CTDSPL2: variants seen among roughly 807,000 people sequenced by gnomAD.
CTDSPL2 encodes CTD small phosphatase like 2.
In CTDSPL2, 5 loss-of-function variants were observed where a neutral mutation model predicts 60.0. The observed-to-expected ratio is 0.08, with a 90% CI of 0.04 to 0.18. The LOEUF is 0.18. Among genes scored for constraint, CTDSPL2 ranks in the 10% least tolerant of loss-of-function variants. The probability of loss-of-function intolerance (pLI) is 1.00; values close to 1 mark genes in which losing one functional copy is unlikely to be tolerated. For synonymous variants in CTDSPL2, 186 were observed against 189.3 expected, an observed-to-expected ratio of 0.98 and a Z score of 0.14; for missense variants, 370 against 548.8, an observed-to-expected ratio of 0.67 and a Z score of 3.26.
chr15:44,473,070 T>G (rs2080843711), intron 2 of CTDSPL2, among the ~76,000 whole-genome samples: 1 of 152,210 alleles, frequency 6.6e-6, no homozygotes, highest in Admixed American at 6.5e-5. Context: ...GTGCTGGGAT[T>G]ACAGGTGTGA....
Position 44,435,431 on chromosome 15 carries a change from A to G in CTDSPL2, c.-25+7659A>G, listed in dbSNP as rs1363951710. Among the ~76,000 whole-genome samples, 4 of 151,476 alleles carry G rather than the reference A, an allele frequency of 2.6e-5. No individual in the cohort carries two copies. The East Asian group carries it at 6.0e-4, about 23-fold the overall frequency. On this transcript the variant is annotated intron_variant, in intron 1 of 12. Transcript: ENST00000260327. ...CCAAAAATACAAAAATTAGGCGGGC[A>G]TGGTAGCGCATGCCTGTAATCCCAG...
At chr15:44,489,264 G>GC (rs1387027303) in intron 4 of CTDSPL2, among the ~76,000 whole-genome samples, 1 of 151,876 alleles carries the variant, frequency 6.6e-6, no homozygotes, top group Non-Finnish European at 1.5e-5. Context: ...GGTCTGAGAA[G>GC]CCTGTTGGTT....
intron 1 of CTDSPL2, among the ~76,000 whole-genome samples, chr15:44,458,365 CA>C (rs1567070645): frequency 6.8e-4 from 104 of 152,278 alleles, no homozygotes; most frequent in African/African-American, 2.5e-3. Flanking sequence ...TGAGAGAGCT[CA>C]AATAAATAGC....
chr15:44,474,444 C>T (rs538782123), intron 2 of CTDSPL2, among the ~76,000 whole-genome samples: 35 of 151,866 alleles, frequency 2.3e-4, no homozygotes, highest in African/African-American at 8.5e-4. Context: ...GAGTGGAGAT[C>T]GCACCACTGC....
chr15:44,490,848 T>C lies in CTDSPL2; in HGVS notation c.540T>C (p.Asp180=). The stretch of plus-strand genomic sequence containing the variant: ...CTGAAGAAATAGTAAAACAACTTGA[T>C]ATGGAACAGGTGGATGAGATCACTA... ...VEAEEIVKQL[D]MEQVDEITTS... Residue 180 remains aspartate (D), a synonymous_variant, in exon 5 of 13, where the codon GAT becomes GAC. Coordinates refer to ENST00000260327, the MANE Select transcript of CTDSPL2 (RefSeq NM_016396.3). The C allele has an allele frequency of 6.2e-7, 1 of 1,613,884 alleles. No individual in the cohort carries two copies. Among genetic ancestry groups the C allele is most frequent in the South Asian group, 1.1e-5 (1 of 91,070 alleles).
chr15:44,506,412 C>CTTTTTTTTTTTTTTTTTTTTTTTTT (rs764238056), intron 8 of CTDSPL2, among the ~76,000 whole-genome samples: 4 of 112,392 alleles, frequency 3.6e-5, no homozygotes, highest in East Asian at 3.0e-4. Context: ...CCTACTTTGA[C>CTTTTTTTTTTTTTTTTTTTTTTTTT]TTTTTTTTTT....
chr15:44,507,912 C>T (rs1486801480), intron 8 of CTDSPL2, among the ~76,000 whole-genome samples: 1 of 152,134 alleles, frequency 6.6e-6, no homozygotes, highest in East Asian at 1.9e-4. Flanking sequence ...CTTATTTAAT[C>T]TTCACAACCA....
chr15:44,468,111 A>G (rs1019584511), intron 2 of CTDSPL2, among the ~76,000 whole-genome samples: 1 of 152,040 alleles, frequency 6.6e-6, no homozygotes, highest in East Asian at 1.9e-4. Flanking sequence ...CTTGTGTTCG[A>G]TTGGTGTTAT....
chr15:44,497,521 A>G (rs1201496349), intron 7 of CTDSPL2, among the ~76,000 whole-genome samples: 1 of 151,918 alleles, frequency 6.6e-6, no homozygotes, highest in Non-Finnish European at 1.5e-5. Context: ...GCCTGCCACC[A>G]TGCCCGGCTA....
Position 44,484,214 on chromosome 15 carries a change from A to G in CTDSPL2, c.187-10A>G, listed in dbSNP as rs766825571. 1.9e-6 allele frequency: 3 copies of G among 1,590,340 alleles called. No individual in the cohort carries two copies. The highest frequency in any genetic ancestry group is 1.7e-6 in the Non-Finnish European group (2 of 1,170,472). ...TGCTTAGTGTGTTTTTTTTTCTCTT[A>G]TATCTTAAGGAAGAGAGAGAAAATC... is the stretch of plus-strand genomic sequence containing the variant. On this transcript the variant is annotated splice_polypyrimidine_tract_variant and intron_variant, in intron 2 of 12. Transcript: ENST00000260327.
intron 1 of CTDSPL2, 38 bp from the exon 2 acceptor site, chr15:44,458,953 T>C: frequency 7.6e-7 from 1 of 1,323,210 alleles, no homozygotes; most frequent in African/African-American, 1.5e-5. Context: ...TTTAATAACT[T>C]TTAATTTTTT....
intron 2 of CTDSPL2, among the ~76,000 whole-genome samples, chr15:44,474,109 T>TC (rs1382607400): frequency 6.6e-6 from 1 of 151,996 alleles, no homozygotes; most frequent in Non-Finnish European, 1.5e-5. Context: ...ATTACAGGAG[T>TC]GAGCCACCAC....
intron 10 of CTDSPL2, 61 bp from the exon 11 acceptor site, chr15:44,519,102 ATATGTG>A: frequency 9.5e-7 from 1 of 1,050,656 alleles, no homozygotes; most frequent in Non-Finnish European, 1.3e-6. Flanking sequence ...TGGTGTATAT[ATATGTG>A]TATATGTTCT....
intron 4 of CTDSPL2, among the ~76,000 whole-genome samples, chr15:44,487,178 G>A (rs146915907): frequency 9.4e-4 from 143 of 152,306 alleles, no homozygotes; most frequent in African/African-American, 3.1e-3. Flanking sequence ...TGGGAGCTGG[G>A]TGTGGTGGCT....
At chr15:44,460,892 C>G (rs1021712490) in intron 2 of CTDSPL2, among the ~76,000 whole-genome samples, 3 of 152,110 alleles carry the variant, frequency 2.0e-5, no homozygotes, top group African/African-American at 7.2e-5. Flanking sequence ...TGTCATCAGC[C>G]TCTGTTGATG....
intron 12 of CTDSPL2, 62 bp downstream of exon 12, chr15:44,521,468 T>C: frequency 2.2e-6 from 2 of 909,816 alleles, no homozygotes; most frequent in Admixed American, 2.3e-5. Flanking sequence ...GAAATAAATA[T>C]TTTTAAATGT....
At chr15:44,442,258 A>G (rs1595697918) in intron 1 of CTDSPL2, among the ~76,000 whole-genome samples, 1 of 152,024 alleles carries the variant, frequency 6.6e-6, no homozygotes, top group South Asian at 2.1e-4. Flanking sequence ...CGAGACCAGC[A>G]TGGCCAACAT....
chr15:44,480,120 A>G (rs1595742043), intron 2 of CTDSPL2, among the ~76,000 whole-genome samples: 1 of 152,286 alleles, frequency 6.6e-6, no homozygotes, highest in Non-Finnish European at 1.5e-5. Context: ...GAAGGGCGCC[A>G]TAGTTGGTCA....
chr15:44,482,723 C>T (rs2140779409), intron 2 of CTDSPL2, among the ~76,000 whole-genome samples: 1 of 152,128 alleles, frequency 6.6e-6, no homozygotes, highest in Admixed American at 6.5e-5. Flanking sequence ...ATTTACAATG[C>T]CAAGTTTTGT....
Sources: gnomAD v4.1 joint callset for allele counts (sites outside exome capture counted in the v4.1 genomes callset) on GRCh38, gnomAD v4.1.1 for gene constraint, MANE v1.5 for transcripts, NCBI Gene and HGNC (gene_info 2026-07-23, HGNC 2026-07-21) for gene names.